The following AKR1C8 variants were observed in gnomAD, a reference collection of about 807,000 sequenced individuals.
The protein encoded by AKR1C8 is aldo-keto reductase family 1 member C8, also known as aldo-keto reductase family 1 member C-like protein 1.
At chr10:5,127,000 C>T in the AKR1C8 span, among the ~76,000 whole-genome samples, 1 of 152,074 alleles carries the variant, frequency 6.6e-6, no homozygotes, top group Non-Finnish European at 1.5e-5. Context: ...AATGAGAGGA[C>T]ATCAGAAAAG....
the AKR1C8 span, among the ~76,000 whole-genome samples, chr10:5,165,917 G>C: frequency 1.2e-4 from 18 of 151,962 alleles, no homozygotes; most frequent in Non-Finnish European, 2.5e-4. Flanking sequence ...TACTCCTAAC[G>C]ACTAACTTGT....
chr10:5,126,007 T>C, the AKR1C8 span, among the ~76,000 whole-genome samples: 2 of 152,146 alleles, frequency 1.3e-5, no homozygotes, highest in Admixed American at 6.6e-5. Flanking sequence ...AATATCCAGA[T>C]AGCAGGACTT....
chr10:5,168,072 A>G, the AKR1C8 span, among the ~76,000 whole-genome samples: 1 of 152,050 alleles, frequency 6.6e-6, no homozygotes. Context: ...CTTTCTTACC[A>G]ACTCTAGGAT....
chr10:5,175,742 T>C, the AKR1C8 span, among the ~76,000 whole-genome samples: 25 of 152,360 alleles, frequency 1.6e-4, no homozygotes, highest in South Asian at 2.9e-3. Context: ...GTGAGCATTT[T>C]TTCATGTGTT....
At chr10:5,125,464 C>A in the AKR1C8 span, among the ~76,000 whole-genome samples, 1 of 152,084 alleles carries the variant, frequency 6.6e-6, no homozygotes, top group Non-Finnish European at 1.5e-5. Flanking sequence ...ACCAGAATAC[C>A]TCCCCTAGGG....
the AKR1C8 span, among the ~76,000 whole-genome samples, chr10:5,167,725 C>T: frequency 6.6e-6 from 1 of 152,152 alleles, no homozygotes; most frequent in South Asian, 2.1e-4. Context: ...CACATGTATA[C>T]ATATGTAAGT....
At chr10:5,175,388 G>A in the AKR1C8 span, among the ~76,000 whole-genome samples, 13 of 152,014 alleles carry the variant, frequency 8.6e-5, no homozygotes, top group African/African-American at 3.1e-4. Context: ...TTGGACATTT[G>A]GGTTAGTTCC....
At chr10:5,129,217 AT>A in the AKR1C8 span, among the ~76,000 whole-genome samples, 1 of 152,016 alleles carries the variant, frequency 6.6e-6, no homozygotes, top group Non-Finnish European at 1.5e-5. Flanking sequence ...CAATTAAGTA[AT>A]TTTTTGAAAT....
At chr10:5,139,271 G>A in the AKR1C8 span, among the ~76,000 whole-genome samples, 1 of 152,168 alleles carries the variant, frequency 6.6e-6, no homozygotes, top group African/African-American at 2.4e-5. Context: ...AACTACCAAT[G>A]ACTTTCTTCA....
At chr10:5,183,168 C>G in the AKR1C8 span, among the ~76,000 whole-genome samples, 4,766 of 152,004 alleles carry the variant, frequency 0.031, 251 homozygotes, top group African/African-American at 0.11. Context: ...CAATCTCTGA[C>G]TACAACAAAA....
At chr10:5,141,527 C>A in the AKR1C8 span, among the ~76,000 whole-genome samples, 1 of 152,134 alleles carries the variant, frequency 6.6e-6, no homozygotes, top group Non-Finnish European at 1.5e-5. Context: ...TCATTATCTA[C>A]AGCAGCTGTA....
At chr10:5,161,713 A>G in the AKR1C8 span, 44 of 534,314 alleles carry the variant, frequency 8.2e-5, 1 homozygote, top group East Asian at 2.4e-3. Context: ...GATACTCACG[A>G]AAGTTTTGGC....
At chr10:5,129,892 GAC>G in the AKR1C8 span, among the ~76,000 whole-genome samples, 3 of 151,796 alleles carry the variant, frequency 2.0e-5, no homozygotes, top group East Asian at 1.9e-4. Flanking sequence ...GATAGAGAGA[GAC>G]GGAACTCTGC....
At chr10:5,148,158 C>G in the AKR1C8 span, among the ~76,000 whole-genome samples, 1 of 152,052 alleles carries the variant, frequency 6.6e-6, no homozygotes, top group Non-Finnish European at 1.5e-5. Flanking sequence ...TGTATACAAT[C>G]TGGCTGAATG....
the AKR1C8 span, chr10:5,123,419 A>T: frequency 7.8e-6 from 3 of 386,198 alleles, no homozygotes; most frequent in African/African-American, 6.1e-5. Flanking sequence ...CTCCAAAAGA[A>T]CTGGTGAGTT....
At chr10:5,160,040 T>C in the AKR1C8 span, 151 of 320,572 alleles carry the variant, frequency 4.7e-4, 11 homozygotes, top group African/African-American at 2.9e-3. Context: ...AGACCTTTAG[T>C]GTAAATTTTT....
At chr10:5,174,076 T>C in the AKR1C8 span, among the ~76,000 whole-genome samples, 1 of 151,904 alleles carries the variant, frequency 6.6e-6, no homozygotes, top group African/African-American at 2.4e-5. Context: ...GTCAGATAAA[T>C]CCCTCTCAAA....
the AKR1C8 span, among the ~76,000 whole-genome samples, chr10:5,118,997 G>A: frequency 1.5e-4 from 23 of 151,712 alleles, no homozygotes; most frequent in South Asian, 6.3e-4. Context: ...TCAAATGTGC[G>A]GAAATGTGAA....
At chr10:5,159,020 A>G in the AKR1C8 span, among the ~76,000 whole-genome samples, 1 of 152,140 alleles carries the variant, frequency 6.6e-6, no homozygotes, top group Non-Finnish European at 1.5e-5. Context: ...GGCATATTCC[A>G]GTTCTGAGTG....
Sources: allele counts gnomAD v4.1 joint callset (sites outside exome capture counted in the v4.1 genomes callset), GRCh38; gene constraint gnomAD v4.1.1; transcripts MANE v1.5; gene names NCBI Gene and HGNC (gene_info 2026-07-23, HGNC 2026-07-21).